The following HERC6 variants were observed in gnomAD, a reference collection of about 807,000 sequenced individuals.
HERC6 encodes the protein probable E3 ubiquitin-protein ligase HERC6.
HERC6 carries 101 observed loss-of-function variants against 114.5 expected under a neutral mutation model. The observed-to-expected ratio is 0.88, with a 90% CI of 0.75 to 1.04. The LOEUF (loss-of-function observed/expected upper bound fraction) is 1.04, where lower values mean the gene tolerates loss of function less well. HERC6 is among the 50% of genes least tolerant of loss of function. HERC6 has a pLI of 0.00. For synonymous variants in HERC6, 408 were observed against 436.2 expected, an observed-to-expected ratio of 0.94 and a Z score of 0.81; for missense variants, 1,133 against 1,230.9, an observed-to-expected ratio of 0.92 and a Z score of 1.19.
chr4:88,440,020 T>C lies in HERC6; in HGVS notation c.2702T>C (p.Ile901Thr), dbSNP rs369385725. The C allele has an allele frequency of 1.4e-5, 22 of 1,610,948 alleles. No homozygotes were observed. In the Admixed American group the frequency reaches 1.9e-4, roughly 14 times the overall value. ...CCTGAAGAACTAATGACAGCAATCA[T>C]TGGAAATACTGATTATGACTGGAAA... ...FYPEELMTAI[I>T]GNTDYDWKQF... The change falls in exon 21 of 23, where the codon ATT (isoleucine) becomes ACT (threonine). Residue 901 changes from isoleucine to threonine, a missense_variant. Physicochemically the swap from Ile to Thr is moderately conservative, Grantham distance 89 (BLOSUM62 -1). Transcript: ENST00000264346.
At chr4:88,419,864 ATGT>A (rs1480301793) in intron 13 of HERC6, among the ~76,000 whole-genome samples, 1 of 152,128 alleles carries the variant, frequency 6.6e-6, no homozygotes, top group African/African-American at 2.4e-5. Flanking sequence ...TGTTTTACTA[ATGT>A]TGTGATAGAG....
rs1464310628 is a variant in HERC6 at position 88,431,319 on chromosome 4, T to C, written c.2250+14T>C. ...TTTCCTGCCAAGGTAAGTCTTTTCTTTTTTTTTTTTCCCCCAGAACAGAAA... is the reference window on the plus strand; with the variant it reads ...TTTCCTGCCAAGGTAAGTCTTTTCTCTTTTTTTTTTCCCCCAGAACAGAAA... On this transcript the variant is annotated intron_variant, in intron 17 of 22. Transcript: ENST00000264346. 2 of 1,418,524 alleles carry C rather than the reference T, an allele frequency of 1.4e-6. No individual in the cohort carries two copies. The highest frequency in any genetic ancestry group is 1.9e-6 in the Non-Finnish European group (2 of 1,050,066). The allele number at this position is 1,418,524 out of a possible 1,614,324, so 87.9% of individuals were successfully genotyped here. A position where few individuals can be genotyped will look rare whatever the true frequency, so the allele number is the denominator to read the frequency against.
chr4:88,390,281 G>A (rs1459701852), intron 3 of HERC6, among the ~76,000 whole-genome samples: 2 of 151,914 alleles, frequency 1.3e-5, no homozygotes, highest in Admixed American at 6.6e-5. Context: ...AGAAGATGTG[G>A]GTCAAAGGGT....
At chr4:88,391,909 G>GT (rs944343083) in intron 4 of HERC6, among the ~76,000 whole-genome samples, 1 of 151,684 alleles carries the variant, frequency 6.6e-6, no homozygotes, top group African/African-American at 2.4e-5. Flanking sequence ...CATTAGCTAA[G>GT]TTTTTCTTTC....
At chr4:88,424,790 A>G in intron 15 of HERC6, 88 bp downstream of exon 15, 1 of 741,332 alleles carries the variant, frequency 1.3e-6, no homozygotes, top group Non-Finnish European at 2.2e-6. Context: ...ACCAAGATTC[A>G]GCAATTGTCA....
rs768159341 is a variant in HERC6 at position 88,404,968 on chromosome 4, A to G, written c.1185A>G (p.Arg395=). 30 of 1,613,638 alleles carry G rather than the reference A, an allele frequency of 1.9e-5. No individual in the cohort carries two copies. Among genetic ancestry groups the G allele is most frequent in the Non-Finnish European group, 2.5e-5 (30 of 1,179,748 alleles). Residue 395 remains arginine, a synonymous_variant, in exon 9 of 23, where the codon AGA becomes AGG. Coordinates refer to ENST00000264346, the MANE Select transcript of HERC6 (RefSeq NM_017912.4). Reference sequence around the variant, plus strand: ...CAGAAAAATGGATAGCAGTGAAAAGAAGAAGTACTGAACATGAAATGGCTA... The same window carrying G: ...CAGAAAAATGGATAGCAGTGAAAAGGAGAAGTACTGAACATGAAATGGCTA... ...SMAEKWIAVK[R]RSTEHEMAKS...
intron 19 of HERC6, 66 bp downstream of exon 19, chr4:88,437,037 A>T: frequency 8.6e-7 from 1 of 1,163,602 alleles, no homozygotes; most frequent in Non-Finnish European, 1.2e-6. Context: ...AATTTTTATT[A>T]TAGTATCTTA....
At chr4:88,438,637 G>A (rs1739008914) in intron 20 of HERC6, among the ~76,000 whole-genome samples, 1 of 152,154 alleles carries the variant, frequency 6.6e-6, no homozygotes, top group African/African-American at 2.4e-5. Context: ...TCCAGGTGGT[G>A]GTATGCTGGA....
In HERC6 at chr4:88,423,986, T is replaced by C. The variant is rs200335033; in HGVS notation, c.1827+13T>C. 3 of 1,194,436 alleles carry C rather than the reference T, an allele frequency of 2.5e-6. No individual in the cohort carries two copies. Among genetic ancestry groups the C allele is most frequent in the East Asian group, 2.6e-5 (1 of 39,060 alleles). The allele number at this position is 1,194,436 out of a possible 1,614,324, so 74.0% of individuals were successfully genotyped here. A position where few individuals can be genotyped will look rare whatever the true frequency, so the allele number is the denominator to read the frequency against. ...GGATAACCACCTGGTAAGAATAACA[T>C]TTTTACTTCTGAAAATGTTCATATT... On this transcript the variant is annotated intron_variant, in intron 14 of 22. Transcript: ENST00000264346.
At chr4:88,417,634 A>G in intron 13 of HERC6, 55 bp downstream of exon 13, 1 of 1,473,036 alleles carries the variant, frequency 6.8e-7, no homozygotes, top group Admixed American at 2.1e-5. Context: ...AAAATCCCTT[A>G]AGTCTCAACC....
chr4:88,379,618 T>TAA (rs1471765779), intron 1 of HERC6, among the ~76,000 whole-genome samples: 1 of 129,510 alleles, frequency 7.7e-6, no homozygotes, highest in South Asian at 2.3e-4. Flanking sequence ...ACTGGGGCAT[T>TAA]AAAAAATATA....
intron 8 of HERC6, among the ~76,000 whole-genome samples, chr4:88,400,346 C>T (rs1001619385): frequency 3.3e-5 from 5 of 152,112 alleles, no homozygotes; most frequent in African/African-American, 4.8e-5. Flanking sequence ...GGGCTACAGG[C>T]GCACACCACA....
chr4:88,418,811 C>T (rs1242031515), intron 13 of HERC6, among the ~76,000 whole-genome samples: 10 of 152,188 alleles, frequency 6.6e-5, no homozygotes, highest in Admixed American at 6.5e-4. Flanking sequence ...ACTGCAACCT[C>T]TGCCTCCTGG....
chr4:88,397,981 A>AG (rs1307838535), intron 7 of HERC6, 161 bp from the exon 8 acceptor site: 48 of 542,478 alleles, frequency 8.8e-5, no homozygotes, highest in Admixed American at 1.9e-4. Context: ...ATATGATGGG[A>AG]GGGAAAAAAA....
intron 20 of HERC6, 135 bp downstream of exon 20, chr4:88,437,916 A>G: frequency 1.5e-6 from 1 of 661,622 alleles, no homozygotes; most frequent in South Asian, 2.0e-5. Flanking sequence ...AGGTGGGTGG[A>G]TCACTTGAGG....
intron 17 of HERC6, 121 bp downstream of exon 17, chr4:88,431,426 G>T (rs1191942769): frequency 4.3e-6 from 5 of 1,159,534 alleles, no homozygotes; most frequent in Non-Finnish European, 4.9e-6. Flanking sequence ...CTCATATTTT[G>T]AGTAGTACTC....
At chr4:88,407,597 A>G (rs1735876543) in intron 10 of HERC6, among the ~76,000 whole-genome samples, 1 of 151,374 alleles carries the variant, frequency 6.6e-6, no homozygotes, top group African/African-American at 2.4e-5. Flanking sequence ...TTGTAGAGAC[A>G]AGGTCTTCTC....
At chr4:88,391,838 C>A (rs1734932518) in intron 4 of HERC6, among the ~76,000 whole-genome samples, 1 of 152,202 alleles carries the variant, frequency 6.6e-6, no homozygotes, top group Non-Finnish European at 1.5e-5. Flanking sequence ...ATACAGTTAA[C>A]ACCTAACCTG....
intron 15 of HERC6, among the ~76,000 whole-genome samples, chr4:88,425,362 CCTT>C (rs1245079363): frequency 6.6e-6 from 1 of 152,052 alleles, no homozygotes; most frequent in African/African-American, 2.4e-5. Context: ...TTATATTTCT[CCTT>C]GTTATTTAAT....
Sources: gnomAD v4.1 joint callset for allele counts (sites outside exome capture counted in the v4.1 genomes callset) on GRCh38, gnomAD v4.1.1 for gene constraint, MANE v1.5 for transcripts, NCBI Gene and HGNC (gene_info 2026-07-23, HGNC 2026-07-21) for gene names.